Variants in SLC35F4 observed in about 807,000 individuals in gnomAD.
SLC35F4 encodes the protein solute carrier family 35 member F4, also known as chromosome 14 open reading frame 36.
Under a neutral mutation model 44.2 loss-of-function variants are expected in SLC35F4, and 24 were observed. The observed-to-expected ratio is 0.54, with a 90% CI of 0.39 to 0.76. The LOEUF is 0.76. SLC35F4 is among the 30% of genes least tolerant of loss of function. The pLI is 0.00. For synonymous variants in SLC35F4, 238 were observed against 223.6 expected, an observed-to-expected ratio of 1.06 and a Z score of -0.57; for missense variants, 562 against 586.1, an observed-to-expected ratio of 0.96 and a Z score of 0.42.
rs376429483 is a variant in SLC35F4 at position 57,915,004 on chromosome 14, T to A, written n.282+66909A>T. Among the ~76,000 whole-genome samples the A allele has an allele frequency of 3.9e-5, 6 of 152,282 alleles. No individual in the cohort carries two copies. In the South Asian group the frequency reaches 6.2e-4, roughly 16 times the overall value. ...TCTGTAGCATCCTTTGAAACCCAAG[T>A]GGAGGAAACCATGCCCCCACAGCTC... On this transcript the variant is annotated intron_variant and non_coding_transcript_variant, in intron 1 of 1. Coordinates refer to the SLC35F4 transcript ENST00000556568.
At chr14:57,825,689 G>A (rs1043139124) in intron 1 of SLC35F4, among the ~76,000 whole-genome samples, 1 of 152,148 alleles carries the variant, frequency 6.6e-6, no homozygotes, top group Admixed American at 6.6e-5. Flanking sequence ...CAAAATCATT[G>A]TGCAAAAATC....
chr14:57,615,255 C>T (rs1351608580), intron 1 of SLC35F4, among the ~76,000 whole-genome samples: 2 of 152,088 alleles, frequency 1.3e-5, no homozygotes, highest in African/African-American at 4.8e-5. Flanking sequence ...TTCCTAGGCA[C>T]AGGGCAAGAC....
intron 1 of SLC35F4, among the ~76,000 whole-genome samples, chr14:57,657,730 C>T (rs2074010963): frequency 1.3e-5 from 2 of 152,126 alleles, no homozygotes; most frequent in Admixed American, 6.6e-5. Flanking sequence ...TTACTTAGCA[C>T]AGTAATACTG....
Position 57,970,207 on chromosome 14 carries a change from C to T in SLC35F4, n.282+11706G>A, listed in dbSNP as rs144526556. ...ATTTAACCAATTAGCTTTGGAAAACCTTCATTTCTCAACTTGTCCACCTGC... is the reference window on the plus strand; with the variant it reads ...ATTTAACCAATTAGCTTTGGAAAACTTTCATTTCTCAACTTGTCCACCTGC... On this transcript the variant is annotated intron_variant and non_coding_transcript_variant, in intron 1 of 1. Coordinates refer to the SLC35F4 transcript ENST00000556568. Among the ~76,000 whole-genome samples, 152 of 152,266 alleles carry T rather than the reference C, an allele frequency of 1.0e-3. 1 individual carries two copies. The highest frequency in any genetic ancestry group is 3.6e-3 in the African/African-American group (148 of 41,556).
intron 1 of SLC35F4, among the ~76,000 whole-genome samples, chr14:57,753,931 C>A (rs1051035230): frequency 1.1e-4 from 17 of 152,216 alleles, no homozygotes; most frequent in Non-Finnish European, 8.8e-5. Flanking sequence ...AGAAAGCTCT[C>A]TGTCCCCAAA....
intron 1 of SLC35F4, among the ~76,000 whole-genome samples, chr14:57,631,604 A>G (rs1407744807): frequency 1.3e-5 from 2 of 152,078 alleles, no homozygotes; most frequent in African/African-American, 4.8e-5. Flanking sequence ...TTTATTTAAT[A>G]TGAGGCAAGT....
chr14:57,866,997 AATAATT>A (rs1393881927), upstream of SLC35F4, among the ~76,000 whole-genome samples: 34 of 143,646 alleles, frequency 2.4e-4, 1 homozygote, highest in Non-Finnish European at 3.0e-5. Flanking sequence ...TAATAATAAT[AATAATT>A]TTCAAAGTTT....
At chr14:57,687,978 T>G (rs998444589) in intron 1 of SLC35F4, among the ~76,000 whole-genome samples, 2 of 152,214 alleles carry the variant, frequency 1.3e-5, no homozygotes, top group African/African-American at 4.8e-5. Flanking sequence ...ATCATCAATA[T>G]GGACTTGCTT....
chr14:57,743,251 A>T (rs1000528085), intron 1 of SLC35F4, among the ~76,000 whole-genome samples: 1 of 152,078 alleles, frequency 6.6e-6, no homozygotes, highest in Non-Finnish European at 1.5e-5. Flanking sequence ...ATAGAGACAT[A>T]AAAAAACCCT....
intron 1 of SLC35F4, among the ~76,000 whole-genome samples, chr14:57,930,523 T>C (rs1889678379): frequency 6.6e-6 from 1 of 152,112 alleles, no homozygotes; most frequent in African/African-American, 2.4e-5. Context: ...AACTTCCTCA[T>C]TGTCTCTCTC....
At chr14:57,568,312 G>A (rs986145511) in intron 6 of SLC35F4, among the ~76,000 whole-genome samples, 2 of 152,240 alleles carry the variant, frequency 1.3e-5, no homozygotes, top group Non-Finnish European at 2.9e-5. Flanking sequence ...ATATGCCAAG[G>A]AGTATATGTT....
upstream of SLC35F4, among the ~76,000 whole-genome samples, chr14:57,870,297 T>G (rs933803753): frequency 3.3e-5 from 5 of 152,092 alleles, no homozygotes; most frequent in African/African-American, 1.2e-4. Flanking sequence ...TACAGCATTA[T>G]ACTGTACTCG....
At chr14:57,927,303 G>A (rs551711672) in intron 1 of SLC35F4, among the ~76,000 whole-genome samples, 4 of 152,234 alleles carry the variant, frequency 2.6e-5, no homozygotes, top group South Asian at 2.1e-4. Context: ...ATTTCCTTGC[G>A]TCTCAAAAGA....
intron 1 of SLC35F4, among the ~76,000 whole-genome samples, chr14:57,969,037 G>A (rs1273928392): frequency 6.6e-6 from 1 of 152,194 alleles, no homozygotes; most frequent in Non-Finnish European, 1.5e-5. Flanking sequence ...TAATGTTAAA[G>A]AGGTCTTCAT....
intron 1 of SLC35F4, among the ~76,000 whole-genome samples, chr14:57,850,387 G>T (rs1886447876): frequency 6.6e-6 from 1 of 152,134 alleles, no homozygotes; most frequent in South Asian, 2.1e-4. Flanking sequence ...TAGAGCCAGG[G>T]TCAAAATTAT....
intron 1 of SLC35F4, among the ~76,000 whole-genome samples, chr14:57,796,518 G>A (rs1363041393): frequency 6.6e-6 from 1 of 152,134 alleles, no homozygotes; most frequent in Non-Finnish European, 1.5e-5. Context: ...ATTTCTGCTT[G>A]TGCAACTTGT....
chr14:57,674,413 A>G (rs954068039), intron 1 of SLC35F4, among the ~76,000 whole-genome samples: 1 of 152,148 alleles, frequency 6.6e-6, no homozygotes, highest in Non-Finnish European at 1.5e-5. Context: ...AAAGATGTGT[A>G]CAAGAATTTT....
Position 57,589,456 on chromosome 14 carries a change from G to A in SLC35F4, c.347C>T (p.Ala116Val), listed in dbSNP as rs373095176. The part of the protein sequence containing the change: ...ENSSQENRIK[A>V]RCLSCTSMVL... ...CATGGACGTGCAGGACAGGCAGCGA[G>A]CCTTGATTCTGTTTTCTTGGCTGCT... The change falls in exon 3 of 8, where the codon GCT becomes GTT. Residue 116 changes from alanine to valine, a missense_variant. Ala to Val is a moderately conservative substitution (Grantham distance 64). Transcript: ENST00000556826. 52 of 1,613,678 alleles carry A rather than the reference G, an allele frequency of 3.2e-5. No individual in the cohort carries two copies. Among genetic ancestry groups the A allele is most frequent in the Admixed American group, 1.2e-4 (7 of 59,966 alleles).
chr14:57,692,245 A>G (rs977893138), intron 1 of SLC35F4, among the ~76,000 whole-genome samples: 4 of 152,170 alleles, frequency 2.6e-5, no homozygotes, highest in Non-Finnish European at 5.9e-5. Flanking sequence ...CGTACAGCTC[A>G]TTTGTGGTAA....
Sources: gnomAD v4.1 joint callset for allele counts (sites outside exome capture counted in the v4.1 genomes callset) on GRCh38, gnomAD v4.1.1 for gene constraint, MANE v1.5 for transcripts, NCBI Gene and HGNC (gene_info 2026-07-23, HGNC 2026-07-21) for gene names.